Variants in PSD3 observed in about 807,000 individuals in gnomAD.
PSD3 encodes the protein PH and SEC7 domain-containing protein 3.
Under a neutral mutation model 105.5 loss-of-function variants are expected in PSD3, and 49 were observed. The ratio of observed to expected loss-of-function variants is 0.46; its 90% CI spans 0.37 to 0.59. The LOEUF is 0.59. Among genes scored for constraint, PSD3 ranks in the 20% least tolerant of loss-of-function variants. The pLI, the probability that PSD3 is intolerant of heterozygous loss-of-function variation, is 0.00. For synonymous variants in PSD3, 557 were observed against 457.8 expected (o/e 1.22, Z -2.77); for missense variants, 1,561 against 1,263.8 (o/e 1.24, Z -3.57).
intron 4 of PSD3, among the ~76,000 whole-genome samples, chr8:18,833,056 T>G (rs1274662886): frequency 6.6e-6 from 1 of 152,192 alleles, no homozygotes; most frequent in Non-Finnish European, 1.5e-5. Flanking sequence ...AGCAACTATG[T>G]TAAAGATGAA....
chr8:18,699,761 C>T (rs1297928765), intron 9 of PSD3, among the ~76,000 whole-genome samples: 3 of 151,928 alleles, frequency 2.0e-5, no homozygotes, highest in African/African-American at 7.3e-5. Context: ...TGGGTGGTCA[C>T]ACTGGGAGAA....
intron 12 of PSD3, among the ~76,000 whole-genome samples, chr8:18,588,731 T>C (rs559954396): frequency 2.6e-5 from 4 of 152,302 alleles, no homozygotes; most frequent in African/African-American, 9.6e-5. Context: ...GCTTCAAAGT[T>C]TACAAAGTTG....
intron 1 of PSD3, among the ~76,000 whole-genome samples, chr8:18,975,943 G>A (rs1175299541): frequency 6.6e-6 from 1 of 152,122 alleles, no homozygotes. Flanking sequence ...TTCTTCTAGA[G>A]AGACAGAAAA....
chr8:18,748,308 T>A (rs1431116340), intron 9 of PSD3, among the ~76,000 whole-genome samples: 2 of 152,146 alleles, frequency 1.3e-5, no homozygotes, highest in Non-Finnish European at 2.9e-5. Context: ...CAACTCTTTT[T>A]AAAGCTTATA....
intron 8 of PSD3, among the ~76,000 whole-genome samples, chr8:18,789,941 G>T (rs370882970): frequency 1.3e-5 from 2 of 152,314 alleles, no homozygotes; most frequent in East Asian, 3.9e-4. Flanking sequence ...ACTGAATAAT[G>T]TGTAAGTTAG....
intron 9 of PSD3, among the ~76,000 whole-genome samples, chr8:18,672,485 C>G (rs1253080764): frequency 6.6e-6 from 1 of 152,088 alleles, no homozygotes; most frequent in African/African-American, 2.4e-5. Flanking sequence ...ACGATCAATA[C>G]AAACAAATTA....
At chr8:18,924,674 T>G (rs1035535039) in intron 2 of PSD3, 5 of 152,352 alleles carry the variant, frequency 3.3e-5, no homozygotes, top group Admixed American at 1.3e-4. Flanking sequence ...GGGGCTGAGC[T>G]GCCATGCTAC....
At chr8:18,945,140 C>G (rs1055518403) in intron 1 of PSD3, among the ~76,000 whole-genome samples, 1 of 152,148 alleles carries the variant, frequency 6.6e-6, no homozygotes, top group African/African-American at 2.4e-5. Context: ...GGTCCTCCCC[C>G]ACAAAATGTC....
intron 9 of PSD3, among the ~76,000 whole-genome samples, chr8:18,739,330 C>T (rs751650640): frequency 3.9e-5 from 6 of 152,050 alleles, no homozygotes; most frequent in Non-Finnish European, 7.4e-5. Context: ...TGTTCCCATA[C>T]TTAATTATTA....
intron 1 of PSD3, among the ~76,000 whole-genome samples, chr8:19,054,785 CAA>C (rs1828654252): frequency 6.6e-6 from 1 of 152,132 alleles, no homozygotes; most frequent in African/African-American, 2.4e-5. Flanking sequence ...ATAGCACAAA[CAA>C]TATTAAATCC....
intron 4 of PSD3, among the ~76,000 whole-genome samples, chr8:18,829,463 C>T (rs1436566547): frequency 6.6e-6 from 1 of 152,150 alleles, no homozygotes; most frequent in African/African-American, 2.4e-5. Flanking sequence ...CGTTCTAGTG[C>T]CTATAGAATC....
chr8:18,552,147 G>C, intron 15 of PSD3, among the ~76,000 whole-genome samples: 1 of 152,148 alleles, frequency 6.6e-6, no homozygotes, highest in Non-Finnish European at 1.5e-5. Flanking sequence ...TTTTCTAACA[G>C]GCTTTACAAT....
chr8:18,767,945 T>C (rs944621399), intron 8 of PSD3, among the ~76,000 whole-genome samples: 7 of 151,504 alleles, frequency 4.6e-5, no homozygotes, highest in African/African-American at 1.7e-4. Context: ...GTATTCAAAA[T>C]GAGAAAGCAG....
chr8:18,958,492 G>T (rs1331311025), intron 1 of PSD3, among the ~76,000 whole-genome samples: 2 of 152,068 alleles, frequency 1.3e-5, no homozygotes, highest in South Asian at 2.1e-4. Flanking sequence ...GAGCACTCAA[G>T]GAATTACAGA....
intron 15 of PSD3, among the ~76,000 whole-genome samples, chr8:18,553,002 G>C (rs1243251471): frequency 2.0e-5 from 3 of 152,078 alleles, no homozygotes; most frequent in East Asian, 1.9e-4. Context: ...CTGTCAGTCA[G>C]AGTTTGGACA....
chr8:18,693,899 T>C (rs189335089), intron 9 of PSD3, among the ~76,000 whole-genome samples: 2 of 152,310 alleles, frequency 1.3e-5, no homozygotes, highest in Non-Finnish European at 2.9e-5. Context: ...CTATTACAAC[T>C]GACTTATATT....
intron 8 of PSD3, among the ~76,000 whole-genome samples, chr8:18,788,599 T>A (rs1227811022): frequency 6.6e-6 from 1 of 152,194 alleles, no homozygotes; most frequent in Admixed American, 6.5e-5. Context: ...AAATTCTTCA[T>A]TTTTGATAGT....
intron 9 of PSD3, among the ~76,000 whole-genome samples, chr8:18,759,092 A>ACACACACACACTCTCTCT: frequency 7.0e-6 from 1 of 143,864 alleles, no homozygotes; most frequent in Non-Finnish European, 1.5e-5. Flanking sequence ...ACACACACAC[A>ACACACACACACTCTCTCT]CTCTCTCTCT....
chr8:18,776,480 T>C (rs1056371406), intron 8 of PSD3, among the ~76,000 whole-genome samples: 1 of 151,414 alleles, frequency 6.6e-6, no homozygotes, highest in Non-Finnish European at 1.5e-5. Flanking sequence ...ACCTCCTAGG[T>C]TCAAGTGATT....
Sources: gnomAD v4.1 joint callset for allele counts (sites outside exome capture counted in the v4.1 genomes callset) on GRCh38, gnomAD v4.1.1 for gene constraint, MANE v1.5 for transcripts, NCBI Gene and HGNC (gene_info 2026-07-23, HGNC 2026-07-21) for gene names.